SMPD3: variants seen among roughly 807,000 people sequenced by gnomAD.
SMPD3 encodes the protein nSMase-2.
In SMPD3, 21 loss-of-function variants were observed where a neutral mutation model predicts 55.7. That is an observed-to-expected ratio of 0.38 (90% confidence interval 0.27 to 0.54). The LOEUF (loss-of-function observed/expected upper bound fraction) is 0.54, where lower values mean the gene tolerates loss of function less well. Among genes scored for constraint, SMPD3 ranks in the 20% least tolerant of loss-of-function variants. The probability of loss-of-function intolerance (pLI) is 0.80; values close to 1 mark genes in which losing one functional copy is unlikely to be tolerated. For missense variants in SMPD3, 842 were observed against 899.6 expected, an observed-to-expected ratio of 0.94 and a Z score of 0.82; for synonymous variants, 457 against 404.3, an observed-to-expected ratio of 1.13 and a Z score of -1.56.
chr16:68,365,948 G>A (rs1245505494), intron 3 of SMPD3, among the ~76,000 whole-genome samples: 2 of 152,160 alleles, frequency 1.3e-5, no homozygotes, highest in East Asian at 3.9e-4. Context: ...GAGAGGTGAG[G>A]GATGGCCACA....
chr16:68,375,981 G>A (rs956885382), intron 2 of SMPD3, among the ~76,000 whole-genome samples: 9 of 152,192 alleles, frequency 5.9e-5, no homozygotes, highest in African/African-American at 2.2e-4. Context: ...CTGCTCCTGT[G>A]TGCGGCCCCT....
intron 7 of SMPD3, among the ~76,000 whole-genome samples, chr16:68,363,203 C>A (rs2279538): frequency 6.6e-6 from 1 of 152,030 alleles, no homozygotes; most frequent in Non-Finnish European, 1.5e-5. Context: ...AGGCCCTTTC[C>A]TGTACCCAGC....
chr16:68,442,592 AC>A (rs146121038), intron 1 of SMPD3, among the ~76,000 whole-genome samples: 11 of 152,340 alleles, frequency 7.2e-5, no homozygotes, highest in African/African-American at 2.6e-4. Context: ...AATTAATTGC[AC>A]TTTCTCATAT....
chr16:68,361,223 C>T lies in SMPD3; in HGVS notation c.1951G>A (p.Gly651Arg), dbSNP rs758829385. Residue 651 changes from glycine to arginine, a missense_variant, in exon 9 of 9, where the codon GGG becomes AGG. Transcript: ENST00000219334. ...PVAMRLMVSS[G>R]EEEA ...CGGACGGTCTATGCCTCCTCCTCCC[C>T]CGAAGACACCATCAGTCGCATGGCT... is the stretch of plus-strand genomic sequence containing the variant. 6.2e-7 allele frequency: 1 copy of T among 1,613,858 alleles called. No homozygotes were observed. Among genetic ancestry groups the T allele is most frequent in the Non-Finnish European group, 8.5e-7 (1 of 1,179,944 alleles).
intron 1 of SMPD3, among the ~76,000 whole-genome samples, chr16:68,413,092 G>A (rs746464901): frequency 4.6e-5 from 7 of 152,194 alleles, no homozygotes; most frequent in Non-Finnish European, 2.9e-5. Flanking sequence ...CCTTGGCCTG[G>A]GGCCTATGTG....
chr16:68,372,537 A>G, intron 2 of SMPD3, 150 bp from the exon 3 acceptor site: 1 of 394,654 alleles, frequency 2.5e-6, no homozygotes, highest in South Asian at 2.7e-5. Context: ...CAGGCTCAGC[A>G]GGTGGCTGGG....
intron 1 of SMPD3, among the ~76,000 whole-genome samples, chr16:68,413,450 C>T (rs1039845147): frequency 6.6e-6 from 1 of 152,184 alleles, no homozygotes; most frequent in African/African-American, 2.4e-5. Context: ...ACCCTGTCCT[C>T]CAGAGAAAAT....
chr16:68,391,241 T>A (rs2090108146), intron 1 of SMPD3, among the ~76,000 whole-genome samples: 1 of 152,198 alleles, frequency 6.6e-6, no homozygotes, highest in African/African-American at 2.4e-5. Flanking sequence ...AGGGCCTGGA[T>A]CTCTGTTAGT....
At chr16:68,396,145 G>A (rs1378445449) in intron 1 of SMPD3, among the ~76,000 whole-genome samples, 1 of 152,074 alleles carries the variant, frequency 6.6e-6, no homozygotes, top group Non-Finnish European at 1.5e-5. Flanking sequence ...CAACCCCTCC[G>A]TGGCTGTCAC....
intron 2 of SMPD3, among the ~76,000 whole-genome samples, chr16:68,384,339 C>T (rs1041735632): frequency 1.3e-5 from 2 of 152,228 alleles, no homozygotes. Context: ...ACCCATGGCC[C>T]CTGGGATAAC....
At position 68,360,935 on chromosome 16, in the gene SMPD3, C is replaced by T. The variant is rs150601410; in HGVS notation, c.*271G>A. On this transcript the variant is annotated 3_prime_UTR_variant, in exon 9 of 9. Transcript: ENST00000219334. ...CATACTAACCCACGGGTTACAAACT[C>T]GGTTGTGCTGTAGATTTGTAGAAAA... 4.4e-4 allele frequency: 203 copies of T among 459,600 alleles called. No homozygotes were observed. The Middle Eastern group carries it at 4.7e-3, about 11-fold the overall frequency. The allele number at this position is 459,600 out of a possible 1,614,324, so 28.5% of individuals were successfully genotyped here. A position where few individuals can be genotyped will look rare whatever the true frequency, so the allele number is the denominator to read the frequency against.
chr16:68,363,471 C>T, intron 7 of SMPD3, 25 bp downstream of exon 7: 1 of 1,613,842 alleles, frequency 6.2e-7, no homozygotes, highest in Non-Finnish European at 8.5e-7. Context: ...GTGCCTCGTC[C>T]CTGGCCTGGG....
Position 68,359,415 on chromosome 16 carries a change from A to G in SMPD3, c.*1791T>C, listed in dbSNP as rs2089097778. ...GGAGGGGCAGGGCTTGGGCCCGGGC[A>G]GACGGTGCTTCCCAGGCCAGGTGAG... On this transcript the variant is annotated 3_prime_UTR_variant, in exon 9 of 9. Coordinates refer to ENST00000219334, the MANE Select transcript of SMPD3 (RefSeq NM_018667.4). 6.6e-6 allele frequency: 1 copy of G among 152,596 alleles called. No homozygotes were observed. The allele number at this position is 152,596 out of a possible 1,614,324, so 9.5% of individuals were successfully genotyped here.
rs778688383 is a variant in SMPD3 at position 68,372,045 on chromosome 16, C to A, written c.137G>T (p.Arg46Leu). Reference protein sequence around the residue: ...ASFIPTTYEKRQRADDPCCLQ... With the variant: ...ASFIPTTYEKLQRADDPCCLQ... ...GCAGCACGGGTCGTCTGCCCGCTGG[C>A]GCTTCTCGTAGGTGGTGGGTATGAA... Residue 46 changes from arginine to leucine, a missense_variant, in exon 3 of 9, where the codon CGC (arginine) becomes CTC (leucine). Coordinates refer to ENST00000219334, the MANE Select transcript of SMPD3 (RefSeq NM_018667.4). The A allele has an allele frequency of 6.2e-7, 1 of 1,609,002 alleles. No individual in the cohort carries two copies. Among genetic ancestry groups the A allele is most frequent in the East Asian group, 2.2e-5 (1 of 44,610 alleles).
At chr16:68,411,568 G>T (rs567857256) in intron 1 of SMPD3, among the ~76,000 whole-genome samples, 1 of 152,310 alleles carries the variant, frequency 6.6e-6, no homozygotes, top group African/African-American at 2.4e-5. Flanking sequence ...GGCCAGCAGG[G>T]CTGCCCACAG....
chr16:68,384,069 G>A (rs1379196340), intron 2 of SMPD3, among the ~76,000 whole-genome samples: 3 of 152,232 alleles, frequency 2.0e-5, no homozygotes, highest in Non-Finnish European at 2.9e-5. Flanking sequence ...AGTGCCTGCG[G>A]ACTCCAGGAG....
rs776437311 is a variant in SMPD3, at chr16:68,371,671, T to C, written c.511A>G (p.Ile171Val). ...GAARPQIKIY[I>V]DSPTNTSISA... is the part of the protein sequence containing the mutation. ...ATGGAGGTATTGGTGGGGGAGTCGA[T>C]GTAAATTTTGATCTGGGGCCGGGCG... Residue 171 changes from isoleucine to valine, a missense_variant, in exon 3 of 9, where the codon ATC becomes GTC. Transcript: ENST00000219334. The C allele has an allele frequency of 2.6e-6, 4 of 1,567,080 alleles. No homozygotes were observed. Among genetic ancestry groups the C allele is most frequent in the East Asian group, 2.3e-5 (1 of 44,402 alleles).
chr16:68,409,622 T>C (rs777225090), intron 1 of SMPD3, among the ~76,000 whole-genome samples: 1 of 152,064 alleles, frequency 6.6e-6, no homozygotes, highest in Non-Finnish European at 1.5e-5. Flanking sequence ...GAGACGGAGT[T>C]TCACTCTGTT....
chr16:68,411,007 G>A (rs1157448458), intron 1 of SMPD3, among the ~76,000 whole-genome samples: 2 of 152,272 alleles, frequency 1.3e-5, no homozygotes, highest in Admixed American at 1.3e-4. Flanking sequence ...AGCTGCCAGT[G>A]TTGGAGTGTG....
Sources: allele counts gnomAD v4.1 joint callset (sites outside exome capture counted in the v4.1 genomes callset), GRCh38; gene constraint gnomAD v4.1.1; transcripts MANE v1.5; gene names NCBI Gene and HGNC (gene_info 2026-07-23, HGNC 2026-07-21).